SLC27A5: variants seen among roughly 807,000 people sequenced by gnomAD.
SLC27A5 encodes the protein solute carrier family 27 member 5.
Under a neutral mutation model 63.1 loss-of-function variants are expected in SLC27A5, and 47 were observed. That is an observed-to-expected ratio of 0.74 (90% CI 0.59 to 0.95). SLC27A5 has a LOEUF of 0.95. SLC27A5 is among the 40% of genes least tolerant of loss of function. SLC27A5 has a pLI of 0.00. For missense variants in SLC27A5, 940 were observed against 921.0 expected, an observed-to-expected ratio of 1.02 and a Z score of -0.27; for synonymous variants, 391 against 403.8, an observed-to-expected ratio of 0.97 and a Z score of 0.38.
chr19:58,510,361 G>C, intron 2 of SLC27A5: 1 of 337,622 alleles, frequency 3.0e-6, no homozygotes, highest in Non-Finnish European at 5.4e-6. Flanking sequence ...GTCCCCTGAG[G>C]TCAGGGGTTA....
At position 58,511,603 on chromosome 19, in the gene SLC27A5, T is replaced by C. The variant is rs780318458; in HGVS notation, c.353A>G (p.Asp118Gly). 3 of 1,590,366 alleles carry C rather than the reference T, an allele frequency of 1.9e-6. No homozygotes were observed. Among genetic ancestry groups the C allele is most frequent in the Non-Finnish European group, 1.7e-6 (2 of 1,166,254 alleles). The change falls in exon 1 of 10, where the codon GAT becomes GGT. Residue 118 changes from aspartate to glycine, a missense_variant. Asp to Gly is a moderately conservative substitution (Grantham distance 94). Coordinates refer to ENST00000263093, the MANE Select transcript of SLC27A5 (RefSeq NM_012254.3). ...LSRQPPDTFV[D>G]AFERRARAQP... ...CGCTCGTGCTCGCCGCTCGAAGGCATCTACAAAGGTGTCAGGCGGCTGCCG... is the reference window on the plus strand; with the variant it reads ...CGCTCGTGCTCGCCGCTCGAAGGCACCTACAAAGGTGTCAGGCGGCTGCCG...
intron 3 of SLC27A5, chr19:58,508,415 G>A (rs2053370799): frequency 6.6e-6 from 1 of 152,106 alleles, no homozygotes; most frequent in African/African-American, 2.4e-5. Context: ...AATTAGCCGG[G>A]CGCGGTGGCA....
rs948271341 is a variant in SLC27A5, at chr19:58,498,447, G to A, written c.*68C>T. On this transcript the variant is annotated 3_prime_UTR_variant, in exon 10 of 10. Transcript: ENST00000263093. ...GGATTCACACAGGCCCAGGATGAAA[G>A]GGACACCGAGTGTGTTGGGGTGGGG... 2 of 1,487,310 alleles carry A rather than the reference G, an allele frequency of 1.3e-6. No homozygotes were observed. The highest frequency in any genetic ancestry group is 1.3e-5 in the South Asian group (1 of 78,180). 92.1% of individuals were successfully genotyped at this position (1,487,310 alleles called of 1,614,324 possible).
intron 3 of SLC27A5, among the ~76,000 whole-genome samples, chr19:58,507,049 T>G (rs758354136): frequency 3.3e-5 from 5 of 151,140 alleles, no homozygotes; most frequent in African/African-American, 7.3e-5. Context: ...AGCTAAACTT[T>G]TCATAATTAA....
Position 58,498,358 on chromosome 19 carries a change from C to T in SLC27A5, c.*157G>A. On this transcript the variant is annotated 3_prime_UTR_variant, in exon 10 of 10. Coordinates refer to ENST00000263093, the MANE Select transcript of SLC27A5 (RefSeq NM_012254.3). ...TTCTGTGAACACATCTGAGTTTATTCTGCCACTGCTACAGGGCCCACTGTC... is the reference window on the plus strand; with the variant it reads ...TTCTGTGAACACATCTGAGTTTATTTTGCCACTGCTACAGGGCCCACTGTC... 1.4e-6 allele frequency: 1 copy of T among 703,238 alleles called. No homozygotes were observed. Among genetic ancestry groups the T allele is most frequent in the Non-Finnish European group, 2.3e-6 (1 of 431,084 alleles). The allele number at this position is 703,238 out of a possible 1,614,324, so 43.6% of individuals were successfully genotyped here. A position where few individuals can be genotyped will look rare whatever the true frequency, so the allele number is the denominator to read the frequency against.
chr19:58,499,473 G>T lies in SLC27A5; in HGVS notation c.1667+19C>A, dbSNP rs777353246. On this transcript the variant is annotated intron_variant, in intron 7 of 9. Transcript: ENST00000263093. ...CGTGGCCCCGCGCCAGCCCCGCCCC[G>T]AGAAACCCTGCCTCGGACCGGAAGG... 1 of 1,611,870 alleles carries T rather than the reference G, an allele frequency of 6.2e-7. No individual in the cohort carries two copies. Among genetic ancestry groups the T allele is most frequent in the South Asian group, 1.1e-5 (1 of 91,064 alleles).
At chr19:58,502,929 G>GGGCAC (rs1568629130) in intron 3 of SLC27A5, among the ~76,000 whole-genome samples, 23 of 152,300 alleles carry the variant, frequency 1.5e-4, no homozygotes, top group East Asian at 1.2e-3. Flanking sequence ...ATAGGTGGCT[G>GGGCAC]GGTGAGGATC....
chr19:58,504,029 C>T (rs1321672992), intron 3 of SLC27A5, among the ~76,000 whole-genome samples: 25 of 152,204 alleles, frequency 1.6e-4, no homozygotes, highest in Non-Finnish European at 5.9e-5. Context: ...GCATGAGAAT[C>T]GTTTGAACCC....
intron 3 of SLC27A5, among the ~76,000 whole-genome samples, chr19:58,505,009 GAA>G (rs1257638078): frequency 3.9e-5 from 3 of 77,614 alleles, no homozygotes; most frequent in African/African-American, 4.9e-5. Flanking sequence ...CCATCTCAAA[GAA>G]AAAAAAAAAA....
intron 2 of SLC27A5, chr19:58,510,277 A>C (rs2053395024): frequency 2.4e-6 from 1 of 417,448 alleles, no homozygotes; most frequent in African/African-American, 2.0e-5. Context: ...AGTTCAGGCC[A>C]AATATCAAAA....
chr19:58,502,977 T>C lies in SLC27A5; in HGVS notation c.1058-1567A>G, dbSNP rs189432031. ...ATCCCAGGACTTAGGGAGGCCGAGG[T>C]GGGCGGATCACGAGGTCAGGAGATC... On this transcript the variant is annotated intron_variant, in intron 3 of 9. Transcript: ENST00000263093. 2.1e-3 allele frequency among the ~76,000 whole-genome samples: 323 copies of C among 150,626 alleles called. 1 individual carries two copies. The highest frequency in any genetic ancestry group is 5.9e-3 in the African/African-American group (241 of 40,998).
chr19:58,502,502 C>G (rs59512872), intron 3 of SLC27A5, among the ~76,000 whole-genome samples: 13,882 of 22,882 alleles, frequency 0.61, 3,825 homozygotes, highest in Non-Finnish European at 0.7. Context: ...TGAACAGTTA[C>G]AGTAGTGAGT....
rs755245800 is a variant in SLC27A5, at chr19:58,501,401, C to T, written c.1067G>A (p.Cys356Tyr). Reference protein sequence around the residue: ...ILGCLDLGATCVLAPKFSTSC... With the variant: ...ILGCLDLGATYVLAPKFSTSC... ...AGTAGAGAACTTGGGGGCCAGAACACAGGTGGCTCCTGGGAGATGACAGGA... is the reference window on the plus strand; with the variant it reads ...AGTAGAGAACTTGGGGGCCAGAACATAGGTGGCTCCTGGGAGATGACAGGA... The change falls in exon 4 of 10, where the codon TGT becomes TAT. Residue 356 changes from cysteine (C) to tyrosine (Y), a missense_variant. Physicochemically the swap from Cys to Tyr is radical, Grantham distance 194. Coordinates refer to ENST00000263093, the MANE Select transcript of SLC27A5 (RefSeq NM_012254.3). 2.4e-5 allele frequency: 39 copies of T among 1,613,096 alleles called. No homozygotes were observed. Among genetic ancestry groups the T allele is most frequent in the Non-Finnish European group, 3.3e-5 (39 of 1,179,500 alleles).
At position 58,498,511 on chromosome 19, in the gene SLC27A5, G is replaced by T. The variant is rs749984161; in HGVS notation, c.*4C>A. ...ATCCCTACCCCAGTGGGTTGGCCAG[G>T]TGATCAGAGCCTCCAGGTTCCCTCA... On this transcript the variant is annotated 3_prime_UTR_variant, in exon 10 of 10. Coordinates refer to ENST00000263093, the MANE Select transcript of SLC27A5 (RefSeq NM_012254.3). 5 of 1,607,128 alleles carry T rather than the reference G, an allele frequency of 3.1e-6. No individual in the cohort carries two copies. Among genetic ancestry groups the T allele is most frequent in the Non-Finnish European group, 4.3e-6 (5 of 1,175,326 alleles).
rs752045900 is a variant in SLC27A5, at chr19:58,503,129, T to C, written c.1058-1719A>G. ...CTGAGGCAGGAGAATGGCGTGAACC[T>C]GGGAGGCGGAGCTTGCAGTGAGCCG... On this transcript the variant is annotated intron_variant, in intron 3 of 9. Coordinates refer to ENST00000263093, the MANE Select transcript of SLC27A5 (RefSeq NM_012254.3). Among the ~76,000 whole-genome samples, 12 of 147,388 alleles carry C rather than the reference T, an allele frequency of 8.1e-5. No individual in the cohort carries two copies. In the East Asian group the frequency reaches 1.0e-3, roughly 13 times the overall value.
intron 1 of SLC27A5, 50 bp from the exon 2 acceptor site, chr19:58,510,980 T>C (rs1217557503): frequency 5.5e-6 from 8 of 1,465,044 alleles, no homozygotes; most frequent in Non-Finnish European, 7.3e-6. Context: ...ACCTTTGAGG[T>C]TGCGAGGCGG....
At chr19:58,503,555 C>T (rs541295332) in intron 3 of SLC27A5, among the ~76,000 whole-genome samples, 2 of 151,848 alleles carry the variant, frequency 1.3e-5, no homozygotes, top group South Asian at 2.1e-4. Context: ...CCCAGCTACT[C>T]GGGAGGCTGA....
chr19:58,505,132 G>A (rs866794697), intron 3 of SLC27A5, among the ~76,000 whole-genome samples: 3 of 125,536 alleles, frequency 2.4e-5, no homozygotes, highest in African/African-American at 9.4e-5. Context: ...ACAGAGTCTC[G>A]CTTTTTGCAC....
chr19:58,511,645 A>G lies in SLC27A5; in HGVS notation c.311T>C (p.Ile104Thr). ...LAKILHLGLK[I>T]RGCLSRQPPD... is the part of the protein sequence containing the mutation. ...CGGCTGCCGGCTCAAGCATCCCCTG[A>G]TCTTCAGGCCCAGGTGGAGGATCTT... is the stretch of plus-strand genomic sequence containing the variant. The change falls in exon 1 of 10, where the codon ATC (isoleucine) becomes ACC (threonine). Residue 104 changes from isoleucine (I) to threonine (T), a missense_variant. By Grantham distance (89) the Ile-to-Thr change is moderately conservative. Coordinates refer to ENST00000263093, the MANE Select transcript of SLC27A5 (RefSeq NM_012254.3). 6.2e-7 allele frequency: 1 copy of G among 1,600,888 alleles called. No individual in the cohort carries two copies. Among genetic ancestry groups the G allele is most frequent in the Non-Finnish European group, 8.5e-7 (1 of 1,173,450 alleles).
Sources: allele counts gnomAD v4.1 joint callset (sites outside exome capture counted in the v4.1 genomes callset), GRCh38; gene constraint gnomAD v4.1.1; transcripts MANE v1.5; gene names NCBI Gene and HGNC (gene_info 2026-07-23, HGNC 2026-07-21).